Variants in OLR1 observed in about 807,000 individuals in gnomAD.
OLR1 encodes the protein oxidized low density lipoprotein receptor 1.
In OLR1, 23 loss-of-function variants were observed where a neutral mutation model predicts 31.7. That is an observed-to-expected ratio of 0.72 (90% CI 0.52 to 1.03). The LOEUF is 1.03. Ranked by LOEUF, OLR1 falls within the 50% of genes least tolerant of loss-of-function variation. The pLI is 0.00. For synonymous variants in OLR1, 117 were observed against 115.8 expected (o/e 1.01, Z -0.07); for missense variants, 286 against 315.7 (o/e 0.91, Z 0.71).
At chr12:10,161,240 A>C (rs1243463309) in intron 3 of OLR1, among the ~76,000 whole-genome samples, 1 of 152,206 alleles carries the variant, frequency 6.6e-6, no homozygotes, top group African/African-American at 2.4e-5. Context: ...AGAAAGAAAG[A>C]AAGCATACTG....
chr12:10,160,858 G>A lies in OLR1; in HGVS notation c.492C>T (p.Asn164=). ...NCYLFSSGSF[N]WEKSQEKCLS... ...AGCACTTCTCTTGGCTCTTTTCCCA[G>A]TTAAATGAGCCCGAGGAAAATAGGT... Residue 164 remains asparagine (N), a synonymous_variant, in exon 4 of 6, where the codon AAC becomes AAT. Coordinates refer to ENST00000309539, the MANE Select transcript of OLR1 (RefSeq NM_002543.4). 6.2e-7 allele frequency: 1 copy of A among 1,614,134 alleles called. No individual in the cohort carries two copies.
intron 3 of OLR1, among the ~76,000 whole-genome samples, chr12:10,165,286 C>T (rs1334331322): frequency 1.4e-5 from 2 of 146,726 alleles, no homozygotes; most frequent in Non-Finnish European, 3.0e-5. Context: ...GAAAATTGGC[C>T]GGGCGTGGTG....
rs1166860151 is a variant in OLR1, at chr12:10,159,108, C to T, written c.*772G>A. Reference sequence around the variant, plus strand: ...ATTCTATTCTTACCTCTGGGCCACACATCCCATGATTCTAACAAGAACTGT... The same window carrying T: ...ATTCTATTCTTACCTCTGGGCCACATATCCCATGATTCTAACAAGAACTGT... On this transcript the variant is annotated 3_prime_UTR_variant, in exon 6 of 6. Coordinates refer to ENST00000309539, the MANE Select transcript of OLR1 (RefSeq NM_002543.4). 1 of 152,102 alleles carries T rather than the reference C, an allele frequency of 6.6e-6. No homozygotes were observed. Among genetic ancestry groups the T allele is most frequent in the Non-Finnish European group, 1.5e-5 (1 of 68,032 alleles). The allele number at this position is 152,102 out of a possible 1,614,324, so 9.4% of individuals were successfully genotyped here. A position where few individuals can be genotyped will look rare whatever the true frequency, so the allele number is the denominator to read the frequency against.
intron 5 of OLR1, 28 bp from the exon 6 acceptor site, chr12:10,160,049 C>A (rs13306593): frequency 0.45 from 714,583 of 1,572,126 alleles, 169,150 homozygotes; most frequent in Admixed American, 0.52. Flanking sequence ...CAAAACAAAC[C>A]AACAAAAAAA....
At chr12:10,166,989 T>C in intron 2 of OLR1, 32 bp from the exon 3 acceptor site, 2 of 1,572,290 alleles carry the variant, frequency 1.3e-6, no homozygotes, top group African/African-American at 2.8e-5. Flanking sequence ...ACTCTAGTTC[T>C]AATCCAAATA....
chr12:10,162,458 C>G (rs1219523299), intron 3 of OLR1, among the ~76,000 whole-genome samples: 1 of 152,104 alleles, frequency 6.6e-6, no homozygotes, highest in Non-Finnish European at 1.5e-5. Context: ...AAAAAGAGAC[C>G]AAGTTGAAAG....
chr12:10,171,582 T>G (rs1180528899), intron 1 of OLR1, among the ~76,000 whole-genome samples: 1 of 152,204 alleles, frequency 6.6e-6, no homozygotes, highest in African/African-American at 2.4e-5. Context: ...TCCCGAGCCC[T>G]CCGATGTATA....
At chr12:10,169,010 T>C in intron 2 of OLR1, 64 bp downstream of exon 2, 1 of 1,136,788 alleles carries the variant, frequency 8.8e-7, no homozygotes. Context: ...ATAAACCATA[T>C]TTATTAACCT....
At chr12:10,174,564 C>T (rs1048570149), upstream of OLR1, among the ~76,000 whole-genome samples, 3 of 152,212 alleles carry the variant, frequency 2.0e-5, no homozygotes, top group African/African-American at 7.2e-5. Flanking sequence ...GACTGGAACT[C>T]AGCCATCAAC....
At chr12:10,164,483 C>T (rs1273176283) in intron 3 of OLR1, among the ~76,000 whole-genome samples, 1 of 152,158 alleles carries the variant, frequency 6.6e-6, no homozygotes, top group African/African-American at 2.4e-5. Context: ...TTCCACCTAT[C>T]AAGGAAAAGC....
chr12:10,166,953 G>A lies in OLR1; in HGVS notation c.183C>T (p.Ser61=), dbSNP rs1180553021. 1.2e-6 allele frequency: 2 copies of A among 1,611,614 alleles called. No homozygotes were observed. The highest frequency in any genetic ancestry group is 2.7e-5 in the African/African-American group (2 of 74,382). ...CTTGTGTTAGGAGGTCAGACACCTG[G>A]GATACTGAATCACAGTTGCATTAAG... is the stretch of plus-strand genomic sequence containing the variant. ...VTIMVLGMQL[S]QVSDLLTQEQ... Residue 61 remains serine (S), a synonymous_variant, in exon 3 of 6, where the codon TCC becomes TCT. Transcript: ENST00000309539.
chr12:10,164,201 C>T (rs908581698), intron 3 of OLR1, among the ~76,000 whole-genome samples: 4 of 152,148 alleles, frequency 2.6e-5, no homozygotes, highest in Non-Finnish European at 5.9e-5. Flanking sequence ...TTGGTTAGTA[C>T]GTGGTTATGT....
At chr12:10,165,211 C>T (rs889729583) in intron 3 of OLR1, among the ~76,000 whole-genome samples, 3 of 151,514 alleles carry the variant, frequency 2.0e-5, no homozygotes, top group African/African-American at 4.8e-5. Context: ...TGCAGTGAGC[C>T]GAGAATGTGC....
intron 1 of OLR1, among the ~76,000 whole-genome samples, chr12:10,171,434 A>G (rs1244746124): frequency 2.0e-5 from 3 of 152,238 alleles, no homozygotes; most frequent in Admixed American, 6.5e-5. Context: ...GCAGTAGTAC[A>G]CAACAAAATG....
chr12:10,176,111 A>G (rs1013084391), upstream of OLR1, among the ~76,000 whole-genome samples: 2 of 152,176 alleles, frequency 1.3e-5, no homozygotes, highest in Non-Finnish European at 2.9e-5. Flanking sequence ...ATTTCCCTCT[A>G]TCCCAGCTAC....
chr12:10,164,326 T>A (rs559025064), intron 3 of OLR1, among the ~76,000 whole-genome samples: 1 of 152,360 alleles, frequency 6.6e-6, no homozygotes, highest in African/African-American at 2.4e-5. Flanking sequence ...TAAAAATGTT[T>A]GACACTTGCT....
chr12:10,159,470 A>G lies in OLR1; in HGVS notation c.*410T>C, dbSNP rs969409368. On this transcript the variant is annotated 3_prime_UTR_variant, in exon 6 of 6. Transcript: ENST00000309539. ...TCTTCACGTGCACTTTTTCCCAGAC[A>G]TATTTCCCCTTTTTGCTCTCTGCCT... 6.4e-6 allele frequency: 1 copy of G among 155,916 alleles called. No homozygotes were observed. Among genetic ancestry groups the G allele is most frequent in the Admixed American group, 6.3e-5 (1 of 15,760 alleles). The allele number at this position is 155,916 out of a possible 1,614,324, so 9.7% of individuals were successfully genotyped here.
At chr12:10,165,575 G>C (rs563892370) in intron 3 of OLR1, among the ~76,000 whole-genome samples, 2 of 152,036 alleles carry the variant, frequency 1.3e-5, no homozygotes, top group African/African-American at 4.8e-5. Context: ...AAAATGCATT[G>C]GAATGGAAAG....
At chr12:10,173,868 A>G (rs955041693), upstream of OLR1, among the ~76,000 whole-genome samples, 9 of 151,880 alleles carry the variant, frequency 5.9e-5, no homozygotes, top group East Asian at 1.7e-3. Context: ...TGCCATGAAT[A>G]TTATAGAACA....
Sources: gnomAD v4.1 joint callset for allele counts (sites outside exome capture counted in the v4.1 genomes callset) on GRCh38, gnomAD v4.1.1 for gene constraint, MANE v1.5 for transcripts, NCBI Gene and HGNC (gene_info 2026-07-23, HGNC 2026-07-21) for gene names.